KYNU: variants seen among roughly 807,000 people sequenced by gnomAD.
The protein encoded by KYNU is L-kynurenine hydrolase.
A neutral mutation model predicts 59.2 loss-of-function variants in KYNU; 54 were observed. The ratio of observed to expected loss-of-function variants is 0.91; its 90% confidence interval spans 0.73 to 1.14. The LOEUF is 1.14. Among genes scored for constraint, KYNU ranks in the 50% most tolerant of loss-of-function variants. The probability of loss-of-function intolerance (pLI) is 0.00; values close to 1 mark genes in which losing one functional copy is unlikely to be tolerated. For missense variants in KYNU, 567 were observed against 554.4 expected (o/e 1.02, Z -0.23); for synonymous variants, 177 against 192.0 (o/e 0.92, Z 0.65).
In KYNU at chr2:143,043,408, A is replaced by G. The variant is rs1303730088; in HGVS notation, c.*1236A>G. The G allele has an allele frequency of 1.3e-5, 2 of 152,010 alleles. No homozygotes were observed. The highest frequency in any genetic ancestry group is 2.9e-5 in the Non-Finnish European group (2 of 67,968). 9.4% of individuals were successfully genotyped at this position (152,010 alleles called of 1,614,324 possible). A position where few individuals can be genotyped will look rare whatever the true frequency, so the allele number is the denominator to read the frequency against. ...TGTAGATTTGTATACATAGTCAACA[A>G]AAAGAGTGACATAATTATTGCCTCC... is the stretch of plus-strand genomic sequence containing the variant. On this transcript the variant is annotated 3_prime_UTR_variant, in exon 14 of 14. Coordinates refer to ENST00000264170, the MANE Select transcript of KYNU (RefSeq NM_003937.3).
intron 8 of KYNU, among the ~76,000 whole-genome samples, chr2:142,976,746 C>T (rs756628949): frequency 8.5e-5 from 13 of 152,108 alleles, no homozygotes; most frequent in Non-Finnish European, 1.9e-4. Flanking sequence ...TCAGGAGCTC[C>T]TGATGACATG....
At position 142,902,731 on chromosome 2, in the gene KYNU, T is replaced by C. The variant is rs532669555; in HGVS notation, c.170-15878T>C. ...GGTGGCTTGATGGCACAAGGTTTTT[T>C]CAACAGGCAGCTAGAAGTAGATTAT... On this transcript the variant is annotated intron_variant, in intron 2 of 13. Transcript: ENST00000264170. Among the ~76,000 whole-genome samples the C allele has an allele frequency of 6.9e-4, 105 of 152,302 alleles. 1 individual carries two copies. The highest frequency in any genetic ancestry group is 2.5e-3 in the African/African-American group (102 of 41,574).
chr2:142,965,338 T>G (rs1405610351), intron 8 of KYNU, among the ~76,000 whole-genome samples: 1 of 152,202 alleles, frequency 6.6e-6, no homozygotes, highest in Non-Finnish European at 1.5e-5. Context: ...GGGTCTGTCT[T>G]TCTTTTAATA....
intron 1 of KYNU, among the ~76,000 whole-genome samples, chr2:142,883,658 G>T (rs141601040): frequency 6.6e-6 from 1 of 152,216 alleles, no homozygotes; most frequent in Non-Finnish European, 1.5e-5. Flanking sequence ...TCCAGGTCCA[G>T]GTCTTCACAT....
intron 12 of KYNU, among the ~76,000 whole-genome samples, chr2:143,039,829 C>G (rs1686984172): frequency 6.6e-6 from 1 of 152,026 alleles, no homozygotes; most frequent in South Asian, 2.1e-4. Flanking sequence ...GAGTGATTAC[C>G]CTTATCTTGT....
rs577889450 is a variant in KYNU at position 143,015,068 on chromosome 2, T to G, written c.903-14559T>G. On this transcript the variant is annotated intron_variant, in intron 10 of 13. Coordinates refer to ENST00000264170, the MANE Select transcript of KYNU (RefSeq NM_003937.3). ...GCCACCATGCCTTGCTATTTTTTTG[T>G]TTTTTAAGAGACAGATCTTCCTATG... Among the ~76,000 whole-genome samples the G allele has an allele frequency of 3.1e-4, 47 of 152,204 alleles. No homozygotes were observed. In the South Asian group the frequency reaches 9.7e-3, roughly 32 times the overall value.
chr2:142,971,065 C>T (rs966140207), intron 8 of KYNU: 2 of 152,124 alleles, frequency 1.3e-5, no homozygotes, highest in Non-Finnish European at 2.9e-5. Flanking sequence ...AAAATGTAGT[C>T]ATATGCCAAC....
chr2:142,926,975 A>G (rs1420293888), intron 3 of KYNU, among the ~76,000 whole-genome samples: 1 of 152,158 alleles, frequency 6.6e-6, no homozygotes. Context: ...AATTTCTTCT[A>G]TGTTTTTCAA....
intron 8 of KYNU, among the ~76,000 whole-genome samples, chr2:142,977,557 G>A (rs1291140865): frequency 1.3e-5 from 2 of 151,820 alleles, no homozygotes; most frequent in Non-Finnish European, 2.9e-5. Flanking sequence ...TGAAGATTGT[G>A]TCTTTTTCCT....
intron 4 of KYNU, among the ~76,000 whole-genome samples, chr2:142,952,758 A>G (rs1406334379): frequency 1.3e-5 from 2 of 152,200 alleles, no homozygotes; most frequent in African/African-American, 2.4e-5. Context: ...CTGAGCTTCT[A>G]CAGAAAGCCT....
In KYNU at chr2:142,942,175, G is replaced by A. The variant is rs201623592; in HGVS notation, c.374-12635G>A. ...CTGGGTGACAGAAAAAAAAAAAAAA[G>A]AAAAAAAAAAAAGAAAAATGTGTAA... On this transcript the variant is annotated intron_variant, in intron 4 of 13. Coordinates refer to ENST00000264170, the MANE Select transcript of KYNU (RefSeq NM_003937.3). Among the ~76,000 whole-genome samples the A allele has an allele frequency of 2.8e-3, 332 of 118,236 alleles. 1 individual carries two copies. Among genetic ancestry groups the A allele is most frequent in the Middle Eastern group, 0.019 (5 of 258 alleles). The allele number at this position is 118,236 out of a possible 152,430, so 77.6% of individuals were successfully genotyped here. A position where few individuals can be genotyped will look rare whatever the true frequency, so the allele number is the denominator to read the frequency against.
chr2:143,027,157 A>G (rs1166144745), intron 10 of KYNU, among the ~76,000 whole-genome samples: 1 of 152,212 alleles, frequency 6.6e-6, no homozygotes, highest in East Asian at 1.9e-4. Context: ...TCACTAATAC[A>G]CAAATCTTGG....
chr2:142,889,703 T>C (rs900533037), intron 2 of KYNU, among the ~76,000 whole-genome samples: 1 of 152,222 alleles, frequency 6.6e-6, no homozygotes, highest in Non-Finnish European at 1.5e-5. Flanking sequence ...CAGTGTTCCC[T>C]ATCTTATTAA....
chr2:142,895,957 C>T (rs1348404736), intron 2 of KYNU, among the ~76,000 whole-genome samples: 1 of 152,208 alleles, frequency 6.6e-6, no homozygotes, highest in African/African-American at 2.4e-5. Flanking sequence ...GCTAGGATTA[C>T]AGATGTGAGC....
Position 142,897,392 on chromosome 2 carries a change from A to C in KYNU, c.169+11856A>C, listed in dbSNP as rs185413383. 6.6e-4 allele frequency among the ~76,000 whole-genome samples: 101 copies of C among 152,342 alleles called. 1 individual carries two copies. Among genetic ancestry groups the C allele is most frequent in the African/African-American group, 2.3e-3 (97 of 41,572 alleles). ...GCACTGTTCCAAATTGCTGAAACTCAATTCAATATTACCAGCAACTGTAAC... is the reference window on the plus strand; with the variant it reads ...GCACTGTTCCAAATTGCTGAAACTCCATTCAATATTACCAGCAACTGTAAC... On this transcript the variant is annotated intron_variant, in intron 2 of 13. Coordinates refer to ENST00000264170, the MANE Select transcript of KYNU (RefSeq NM_003937.3).
At chr2:142,980,423 T>A (rs890659096) in intron 8 of KYNU, among the ~76,000 whole-genome samples, 1 of 152,168 alleles carries the variant, frequency 6.6e-6, no homozygotes, top group African/African-American at 2.4e-5. Context: ...CCTAACTTAC[T>A]AGGAATGCAG....
intron 8 of KYNU, 128 bp from the exon 9 acceptor site, chr2:142,984,956 C>T (rs1685155813): frequency 2.8e-6 from 2 of 707,244 alleles, no homozygotes; most frequent in Admixed American, 2.0e-5. Flanking sequence ...ACTTTGTGAA[C>T]CATTGCATCA....
intron 4 of KYNU, among the ~76,000 whole-genome samples, chr2:142,952,282 C>T (rs552444210): frequency 6.6e-6 from 1 of 152,044 alleles, no homozygotes; most frequent in South Asian, 2.1e-4. Context: ...CACCATGTTG[C>T]CCAGGCTGGT....
intron 4 of KYNU, among the ~76,000 whole-genome samples, chr2:142,946,361 C>T (rs1218459733): frequency 6.6e-6 from 1 of 152,082 alleles, no homozygotes; most frequent in Non-Finnish European, 1.5e-5. Flanking sequence ...TGGGATTACC[C>T]TGCCCGGCTG....
Sources: gnomAD v4.1 joint callset for allele counts (sites outside exome capture counted in the v4.1 genomes callset) on GRCh38, gnomAD v4.1.1 for gene constraint, MANE v1.5 for transcripts, NCBI Gene and HGNC (gene_info 2026-07-23, HGNC 2026-07-21) for gene names.